Variants in SLIT3 observed in about 807,000 individuals in gnomAD.
The protein encoded by SLIT3 is slit guidance ligand 3.
SLIT3 carries 68 observed loss-of-function variants against 184.0 expected under a neutral mutation model. That is an observed-to-expected ratio of 0.37 (90% CI 0.30 to 0.45). The LOEUF (loss-of-function observed/expected upper bound fraction) is 0.45. Ranked by LOEUF, SLIT3 falls within the 20% of genes least tolerant of loss-of-function variation. The probability of loss-of-function intolerance (pLI) is 1.00; values close to 1 mark genes in which losing one functional copy is unlikely to be tolerated. For synonymous variants in SLIT3, 831 were observed against 828.6 expected (o/e 1.00, Z -0.05); for missense variants, 1,707 against 2,026.0 (o/e 0.84, Z 3.02).
At chr5:168,923,849 C>T (rs1761720368) in intron 4 of SLIT3, among the ~76,000 whole-genome samples, 1 of 152,214 alleles carries the variant, frequency 6.6e-6, no homozygotes, top group Admixed American at 6.5e-5. Flanking sequence ...TGTCCTTAGA[C>T]TAAGCCAGGC....
intron 4 of SLIT3, among the ~76,000 whole-genome samples, chr5:169,082,630 G>A (rs963982253): frequency 6.6e-6 from 1 of 152,160 alleles, no homozygotes; most frequent in African/African-American, 2.4e-5. Flanking sequence ...TGGTAGAATT[G>A]TAGGAATGAC....
chr5:168,938,489 A>G (rs996480305), intron 4 of SLIT3, among the ~76,000 whole-genome samples: 1 of 152,214 alleles, frequency 6.6e-6, no homozygotes, highest in Non-Finnish European at 1.5e-5. Context: ...GCAGTGGCCA[A>G]TGATGATACT....
chr5:169,133,181 G>C (rs529633207), intron 4 of SLIT3, among the ~76,000 whole-genome samples: 26 of 152,182 alleles, frequency 1.7e-4, no homozygotes, highest in Admixed American at 1.5e-3. Context: ...CTGTAGGCAG[G>C]AACTTCCTCT....
chr5:169,289,517 C>T (rs1767267716), intron 1 of SLIT3, among the ~76,000 whole-genome samples: 1 of 152,226 alleles, frequency 6.6e-6, no homozygotes, highest in Non-Finnish European at 1.5e-5. Context: ...CTTTTACATG[C>T]TACCCTGGAC....
At chr5:168,824,360 G>C (rs1450684188) in intron 6 of SLIT3, among the ~76,000 whole-genome samples, 1 of 152,198 alleles carries the variant, frequency 6.6e-6, no homozygotes, top group African/African-American at 2.4e-5. Flanking sequence ...CTTTTGTGCA[G>C]GGAAAAGCAA....
chr5:169,170,891 T>TA (rs1286818487), intron 4 of SLIT3, among the ~76,000 whole-genome samples: 1 of 152,052 alleles, frequency 6.6e-6, no homozygotes. Flanking sequence ...GTGGCCCAAT[T>TA]AAAAAAACAA....
At chr5:169,170,877 T>G (rs1762795677) in intron 4 of SLIT3, among the ~76,000 whole-genome samples, 1 of 152,122 alleles carries the variant, frequency 6.6e-6, no homozygotes, top group African/African-American at 2.4e-5. Flanking sequence ...CTTTGACCAA[T>G]CAGGTGGCCC....
intron 4 of SLIT3, among the ~76,000 whole-genome samples, chr5:168,974,920 G>T (rs1754696911): frequency 6.6e-6 from 1 of 152,178 alleles, no homozygotes; most frequent in Non-Finnish European, 1.5e-5. Context: ...GACTGCAAGT[G>T]GTCCTTCTAG....
intron 9 of SLIT3, among the ~76,000 whole-genome samples, chr5:168,797,121 G>A (rs1416554499): frequency 3.9e-5 from 6 of 152,126 alleles, no homozygotes; most frequent in Non-Finnish European, 5.9e-5. Flanking sequence ...CTCACAGAGA[G>A]CCACAAAAGC....
At chr5:168,949,535 G>T (rs1200022486) in intron 4 of SLIT3, among the ~76,000 whole-genome samples, 2 of 152,188 alleles carry the variant, frequency 1.3e-5, no homozygotes, top group Non-Finnish European at 1.5e-5. Context: ...GCCAAAAACA[G>T]CTGACCCATG....
intron 14 of SLIT3, among the ~76,000 whole-genome samples, chr5:168,767,328 A>G (rs1755382083): frequency 6.6e-6 from 1 of 151,990 alleles, no homozygotes; most frequent in Non-Finnish European, 1.5e-5. Flanking sequence ...TAGGACAAAG[A>G]CTCCAGGACA....
intron 1 of SLIT3, among the ~76,000 whole-genome samples, chr5:169,285,912 C>A (rs1353434568): frequency 2.0e-5 from 3 of 152,186 alleles, no homozygotes; most frequent in Non-Finnish European, 4.4e-5. Context: ...CAGAAATAAG[C>A]CATCTCTACT....
intron 4 of SLIT3, among the ~76,000 whole-genome samples, chr5:169,007,094 A>C (rs1042214860): frequency 6.6e-6 from 1 of 152,130 alleles, no homozygotes; most frequent in Non-Finnish European, 1.5e-5. Flanking sequence ...ATAGTGAGTG[A>C]GTTCTCACAA....
chr5:169,078,581 T>C (rs1348897888), intron 4 of SLIT3, among the ~76,000 whole-genome samples: 2 of 152,176 alleles, frequency 1.3e-5, no homozygotes, highest in Non-Finnish European at 2.9e-5. Flanking sequence ...CTTGTTACTC[T>C]CCAGCTTCTC....
intron 14 of SLIT3, 38 bp from the exon 15 acceptor site, chr5:168,762,727 A>T: frequency 1.9e-6 from 3 of 1,603,732 alleles, no homozygotes; most frequent in Non-Finnish European, 2.6e-6. Flanking sequence ...GCGTCACCCG[A>T]GTTCCACGCA....
intron 14 of SLIT3, among the ~76,000 whole-genome samples, chr5:168,767,808 C>A (rs1479991847): frequency 6.6e-6 from 1 of 152,142 alleles, no homozygotes; most frequent in Non-Finnish European, 1.5e-5. Context: ...TCCCATGAAA[C>A]CATGGGGCGT....
intron 4 of SLIT3, among the ~76,000 whole-genome samples, chr5:169,065,015 T>C (rs1485249392): frequency 6.6e-6 from 1 of 152,170 alleles, no homozygotes; most frequent in African/African-American, 2.4e-5. Flanking sequence ...AACTTTGCCT[T>C]TGAGGAAGGT....
intron 6 of SLIT3, among the ~76,000 whole-genome samples, chr5:168,825,830 C>T (rs1757685891): frequency 6.6e-6 from 1 of 152,236 alleles, no homozygotes; most frequent in South Asian, 2.1e-4. Context: ...ATGCTTCTCT[C>T]CCCTTCTTCA....
chr5:169,246,177 A>G (rs1015988212), intron 2 of SLIT3, among the ~76,000 whole-genome samples: 12 of 152,134 alleles, frequency 7.9e-5, no homozygotes, highest in Non-Finnish European at 1.2e-4. Flanking sequence ...ATCAGCTCTC[A>G]CATTTCCAAA....
Sources: allele counts gnomAD v4.1 joint callset (sites outside exome capture counted in the v4.1 genomes callset), GRCh38; gene constraint gnomAD v4.1.1; transcripts MANE v1.5; gene names NCBI Gene and HGNC (gene_info 2026-07-23, HGNC 2026-07-21).